Variants in MAGI1 observed in about 807,000 individuals in gnomAD.
MAGI1 encodes membrane-associated guanylate kinase, WW and PDZ domain-containing protein 1.
A neutral mutation model predicts 139.9 loss-of-function variants in MAGI1; 58 were observed. The observed-to-expected ratio is 0.41, with a 90% CI of 0.34 to 0.52. The LOEUF (loss-of-function observed/expected upper bound fraction) is 0.52. Among genes scored for constraint, MAGI1 ranks in the 20% least tolerant of loss-of-function variants. MAGI1 has a pLI of 0.12. For missense variants in MAGI1, 1,874 were observed against 1,901.6 expected, an observed-to-expected ratio of 0.99 and a Z score of 0.27; for synonymous variants, 812 against 737.9, an observed-to-expected ratio of 1.10 and a Z score of -1.63.
intron 2 of MAGI1, among the ~76,000 whole-genome samples, chr3:65,580,834 C>A (rs1466699593): frequency 6.6e-6 from 1 of 152,130 alleles, no homozygotes; most frequent in East Asian, 1.9e-4. Context: ...TTAATGTGTA[C>A]ATTTCAATTC....
At position 65,877,951 on chromosome 3, in the gene MAGI1, G is replaced by A. The variant is rs540361932; in HGVS notation, c.313+160045C>T. Among the ~76,000 whole-genome samples, 390 of 151,832 alleles carry A rather than the reference G, an allele frequency of 2.6e-3. 2 individuals are homozygous for A. Among genetic ancestry groups the A allele is most frequent in the Non-Finnish European group, 3.8e-3 (260 of 67,902 alleles). On this transcript the variant is annotated intron_variant, in intron 1 of 22. Coordinates refer to ENST00000402939, the MANE Select transcript of MAGI1 (RefSeq NM_001033057.2). Reference sequence around the variant, plus strand: ...GTGAGACACTGTCTCTACAAAAAGTGTTTTAAAAAATTAGTCAGGCACAGT... The same window carrying A: ...GTGAGACACTGTCTCTACAAAAAGTATTTTAAAAAATTAGTCAGGCACAGT...
At chr3:65,902,851 C>T (rs184472579) in intron 1 of MAGI1, 1 of 152,686 alleles carries the variant, frequency 6.5e-6, no homozygotes, top group Non-Finnish European at 1.5e-5. Flanking sequence ...TGAAAATTGC[C>T]TTAAGGAGCT....
intron 1 of MAGI1, among the ~76,000 whole-genome samples, chr3:65,802,004 C>T (rs113511973): frequency 6.6e-6 from 1 of 152,046 alleles, no homozygotes; most frequent in Admixed American, 6.5e-5. Context: ...CTAGGTTGGA[C>T]ACTCCTTATT....
chr3:65,682,690 A>G (rs2107521297), intron 1 of MAGI1, among the ~76,000 whole-genome samples: 1 of 152,338 alleles, frequency 6.6e-6, no homozygotes, highest in South Asian at 2.1e-4. Context: ...CCAGAGAAAA[A>G]GTTACTAGGC....
chr3:65,369,649 C>T (rs1385932674), intron 18 of MAGI1, among the ~76,000 whole-genome samples: 1 of 152,076 alleles, frequency 6.6e-6, no homozygotes, highest in African/African-American at 2.4e-5. Flanking sequence ...GCTGGGACTA[C>T]AGGCACGCGC....
chr3:66,017,277 G>A lies in MAGI1; in HGVS notation c.313+20719C>T, dbSNP rs568333734. On this transcript the variant is annotated intron_variant, in intron 1 of 22. Coordinates refer to ENST00000402939, the MANE Select transcript of MAGI1 (RefSeq NM_001033057.2). ...CGCAAGCACTTGTGTCTCAACACGC[G>A]CAGGGCGCGGCTGCAGATGGAAAAA... 1.5e-4 allele frequency among the ~76,000 whole-genome samples: 23 copies of A among 152,340 alleles called. No individual in the cohort carries two copies. In the South Asian group the frequency reaches 1.7e-3, roughly 11 times the overall value.
rs988898118 is a variant in MAGI1, at chr3:65,535,432, G to A, written c.431-41801C>T. On this transcript the variant is annotated intron_variant, in intron 2 of 22. Transcript: ENST00000402939. Reference sequence around the variant, plus strand: ...GTCAATAAGCCAGAGATAGCAACAGGAAGAGGAAGAAGGAAGCTGTATAGA... The same window carrying A: ...GTCAATAAGCCAGAGATAGCAACAGAAAGAGGAAGAAGGAAGCTGTATAGA... Among the ~76,000 whole-genome samples the A allele has an allele frequency of 2.6e-5, 4 of 152,180 alleles. No individual in the cohort carries two copies. The South Asian group carries it at 8.3e-4, about 32-fold the overall frequency.
intron 1 of MAGI1, among the ~76,000 whole-genome samples, chr3:66,029,551 C>CA (rs987297941): frequency 1.3e-5 from 2 of 152,202 alleles, no homozygotes; most frequent in African/African-American, 4.8e-5. Context: ...AAGAACCTCT[C>CA]AGTCTGTTTA....
chr3:65,398,637 T>G (rs1241841441), intron 13 of MAGI1, among the ~76,000 whole-genome samples: 1 of 152,182 alleles, frequency 6.6e-6, no homozygotes, highest in Non-Finnish European at 1.5e-5. Context: ...TGTGGGTGAT[T>G]TAGACTGAGA....
At chr3:65,886,496 C>T (rs933713801) in intron 1 of MAGI1, among the ~76,000 whole-genome samples, 3 of 151,986 alleles carry the variant, frequency 2.0e-5, no homozygotes, top group Non-Finnish European at 4.4e-5. Context: ...TATGGCTGCC[C>T]TCATTAAAGG....
At chr3:65,637,604 G>GAA (rs1475845076) in intron 1 of MAGI1, among the ~76,000 whole-genome samples, 42 of 145,978 alleles carry the variant, frequency 2.9e-4, no homozygotes, top group Admixed American at 1.4e-4. Flanking sequence ...AAGAAAGAAA[G>GAA]AAAGAAAGAA....
intron 1 of MAGI1, among the ~76,000 whole-genome samples, chr3:65,740,714 C>T (rs1164976943): frequency 6.6e-6 from 1 of 152,138 alleles, no homozygotes; most frequent in Non-Finnish European, 1.5e-5. Flanking sequence ...TTCAGGAAAC[C>T]TCTATCTCTA....
At chr3:65,587,862 C>T (rs768075388) in intron 2 of MAGI1, among the ~76,000 whole-genome samples, 8 of 152,146 alleles carry the variant, frequency 5.3e-5, no homozygotes, top group African/African-American at 1.2e-4. Flanking sequence ...CTCCCTTCTT[C>T]GCATTACAAC....
At chr3:65,679,298 C>G (rs566112672) in intron 1 of MAGI1, among the ~76,000 whole-genome samples, 31 of 152,284 alleles carry the variant, frequency 2.0e-4, no homozygotes, top group African/African-American at 7.0e-4. Flanking sequence ...ATCTCAGGAC[C>G]ACCCTTTTAC....
chr3:65,903,388 G>T (rs1395222211), intron 1 of MAGI1, among the ~76,000 whole-genome samples: 1 of 152,034 alleles, frequency 6.6e-6, no homozygotes, highest in Non-Finnish European at 1.5e-5. Flanking sequence ...GTGTGACTGT[G>T]GGCAAGTAAC....
At chr3:65,948,584 T>G (rs1560044007) in intron 1 of MAGI1, among the ~76,000 whole-genome samples, 2 of 152,190 alleles carry the variant, frequency 1.3e-5, no homozygotes, top group South Asian at 4.1e-4. Context: ...GAAAGTTCAG[T>G]AGGGTTAACC....
chr3:65,980,054 A>G (rs2065487425), intron 1 of MAGI1, among the ~76,000 whole-genome samples: 1 of 152,174 alleles, frequency 6.6e-6, no homozygotes, highest in Non-Finnish European at 1.5e-5. Context: ...CATCTGGATG[A>G]GGGTGGGACA....
At chr3:65,504,161 C>A (rs570330408) in intron 2 of MAGI1, among the ~76,000 whole-genome samples, 1 of 152,276 alleles carries the variant, frequency 6.6e-6, no homozygotes, top group African/African-American at 2.4e-5. Context: ...ATGTGACTAC[C>A]TTGGAACATT....
At chr3:66,035,993 G>C (rs571763102) in intron 1 of MAGI1, among the ~76,000 whole-genome samples, 3 of 152,132 alleles carry the variant, frequency 2.0e-5, no homozygotes, top group Admixed American at 1.3e-4. Context: ...TTCAGGACCC[G>C]TTAGACACTG....
Sources: allele counts gnomAD v4.1 joint callset (sites outside exome capture counted in the v4.1 genomes callset), GRCh38; gene constraint gnomAD v4.1.1; transcripts MANE v1.5; gene names NCBI Gene and HGNC (gene_info 2026-07-23, HGNC 2026-07-21).